CRTC1: variants seen among roughly 807,000 people sequenced by gnomAD.
CRTC1 encodes the protein CREB regulated transcription coactivator 1, also known as CREB-regulated transcription coactivator 1.
Under a neutral mutation model 66.1 loss-of-function variants are expected in CRTC1, and 18 were observed. That is an observed-to-expected ratio of 0.27 (90% CI 0.19 to 0.40). CRTC1 has a LOEUF of 0.40. CRTC1 is among the 10% of genes least tolerant of loss of function. The pLI, the probability that CRTC1 is intolerant of heterozygous loss-of-function variation, is 1.00. For synonymous variants in CRTC1, 416 were observed against 398.8 expected (o/e 1.04, Z -0.51); for missense variants, 669 against 887.9 (o/e 0.75, Z 3.13).
chr19:18,747,137 C>T (rs367903257), intron 4 of CRTC1, 23 bp downstream of exon 4: 4 of 900,626 alleles, frequency 4.4e-6, no homozygotes, highest in East Asian at 3.9e-5. Flanking sequence ...ACACCCCCCC[C>T]CCGCCCCCTT....
chr19:18,764,213 G>A (rs1381671826), intron 8 of CRTC1, among the ~76,000 whole-genome samples: 1 of 152,244 alleles, frequency 6.6e-6, no homozygotes, highest in Non-Finnish European at 1.5e-5. Context: ...TCATCTGCCG[G>A]AACAAGGTTA....
chr19:18,745,686 C>G, intron 2 of CRTC1, 137 bp from the exon 3 acceptor site: 3 of 1,123,932 alleles, frequency 2.7e-6, no homozygotes, highest in Non-Finnish European at 4.0e-6. Context: ...GAAGCCCATC[C>G]CAGGCTGTGG....
intron 9 of CRTC1, among the ~76,000 whole-genome samples, chr19:18,767,469 G>A (rs1257357739): frequency 1.3e-5 from 2 of 152,144 alleles, no homozygotes; most frequent in Non-Finnish European, 2.9e-5. Flanking sequence ...GAAGTGCTGG[G>A]ATTGCAGGTG....
intron 1 of CRTC1, among the ~76,000 whole-genome samples, chr19:18,689,608 T>C (rs954931850): frequency 3.9e-5 from 5 of 127,876 alleles, no homozygotes; most frequent in Non-Finnish European, 7.9e-5. Context: ...CTTACCATTT[T>C]GACGTTTTTT....
chr19:18,758,992 C>A (rs1270792686), intron 6 of CRTC1, among the ~76,000 whole-genome samples: 6 of 152,198 alleles, frequency 3.9e-5, no homozygotes, highest in Non-Finnish European at 8.8e-5. Flanking sequence ...GTGCTGGCTG[C>A]TGACTGCTGT....
At chr19:18,709,980 A>G (rs771053873) in intron 1 of CRTC1, among the ~76,000 whole-genome samples, 5 of 152,060 alleles carry the variant, frequency 3.3e-5, no homozygotes, top group African/African-American at 7.2e-5. Flanking sequence ...GGGGTCCCAC[A>G]AAGCTCAGCT....
intron 1 of CRTC1, among the ~76,000 whole-genome samples, chr19:18,698,898 T>C (rs1600772752): frequency 1.4e-5 from 2 of 146,346 alleles, no homozygotes; most frequent in East Asian, 4.2e-4. Flanking sequence ...GTGTGTGCTC[T>C]GCGGGCACTC....
chr19:18,723,758 G>C (rs888998844), intron 1 of CRTC1, among the ~76,000 whole-genome samples: 9 of 152,238 alleles, frequency 5.9e-5, no homozygotes, highest in Admixed American at 5.9e-4. Context: ...CAGATGGCCT[G>C]TGGGCAACAG....
chr19:18,768,761 G>A lies in CRTC1; in HGVS notation c.1288G>A (p.Gly430Ser). ...CCCCCAGTCCCCCCCAGAGAACCCTGGCCAGCCATCGATGGGGATCGACAT... is the reference window on the plus strand; with the variant it reads ...CCCCCAGTCCCCCCCAGAGAACCCTAGCCAGCCATCGATGGGGATCGACAT... ...SLPQSPPENP[G>S]QPSMGIDIAS... is the part of the protein sequence containing the mutation. Residue 430 changes from glycine (G) to serine (S), a missense_variant, in exon 10 of 14, where the codon GGC becomes AGC. Physicochemically the swap from Gly to Ser is moderately conservative, Grantham distance 56. Transcript: ENST00000321949. This position sits in a 1 kb window ranked among gnomAD's most constrained non-coding sequence, Gnocchi z 5.6. 6.2e-7 allele frequency: 1 copy of A among 1,602,874 alleles called. No individual in the cohort carries two copies. Among genetic ancestry groups the A allele is most frequent in the Non-Finnish European group, 8.5e-7 (1 of 1,175,890 alleles).
At chr19:18,712,055 C>T (rs949193632) in intron 1 of CRTC1, among the ~76,000 whole-genome samples, 1 of 151,756 alleles carries the variant, frequency 6.6e-6, no homozygotes, top group Non-Finnish European at 1.5e-5. Flanking sequence ...ATCCTATCAC[C>T]TCAGCCTCCC....
At chr19:18,762,646 C>A (rs2054640227) in intron 8 of CRTC1, among the ~76,000 whole-genome samples, 1 of 152,210 alleles carries the variant, frequency 6.6e-6, no homozygotes, top group African/African-American at 2.4e-5. Context: ...CGGGCGGGCC[C>A]TGACACCTGG....
intron 1 of CRTC1, among the ~76,000 whole-genome samples, chr19:18,724,841 TGGATATAACCTTTTGG>T (rs1329269786): frequency 6.7e-6 from 1 of 148,352 alleles, no homozygotes; most frequent in African/African-American, 2.5e-5. Context: ...GATGAGGAGG[TGGATATAACCTTTTGG>T]GGACACCGTG....
chr19:18,759,633 C>G, intron 7 of CRTC1, 42 bp downstream of exon 7: 1 of 1,597,722 alleles, frequency 6.3e-7, no homozygotes, highest in South Asian at 1.1e-5. Context: ...GCATCTGCTG[C>G]GCTGCTCCGT....
intron 11 of CRTC1, among the ~76,000 whole-genome samples, chr19:18,772,760 C>T (rs2054898129): frequency 6.6e-6 from 1 of 152,172 alleles, no homozygotes; most frequent in Admixed American, 6.5e-5. Flanking sequence ...CTCGGGGAGG[C>T]ATGGGGGTCA....
chr19:18,758,754 C>T (rs1248419830), intron 6 of CRTC1, among the ~76,000 whole-genome samples: 2 of 152,192 alleles, frequency 1.3e-5, no homozygotes, highest in East Asian at 3.9e-4. Flanking sequence ...CCTGGGTCTC[C>T]CCTGACTCAG....
At chr19:18,718,446 C>T (rs1456014057) in intron 1 of CRTC1, among the ~76,000 whole-genome samples, 1 of 152,138 alleles carries the variant, frequency 6.6e-6, no homozygotes, top group Non-Finnish European at 1.5e-5. Context: ...TGTCCAACCT[C>T]CCACCTCTGC....
chr19:18,722,398 GA>G (rs1211823028), intron 1 of CRTC1, among the ~76,000 whole-genome samples: 1 of 152,134 alleles, frequency 6.6e-6, no homozygotes, highest in East Asian at 1.9e-4. Flanking sequence ...GCCTTATGTG[GA>G]AAAAAGGTCT....
At chr19:18,736,403 A>G (rs58377423) in intron 1 of CRTC1, among the ~76,000 whole-genome samples, 54 of 151,078 alleles carry the variant, frequency 3.6e-4, no homozygotes, top group Non-Finnish European at 6.3e-4. Context: ...TTCGCTCCCC[A>G]CCTTCCTCTT....
At chr19:18,775,956 G>A in intron 13 of CRTC1, 135 bp downstream of exon 13, 1 of 917,508 alleles carries the variant, frequency 1.1e-6, no homozygotes, top group Non-Finnish European at 1.6e-6. Flanking sequence ...GGGGGCCTGA[G>A]GAGGCCACAC....
Sources: gnomAD v4.1 joint callset for allele counts (sites outside exome capture counted in the v4.1 genomes callset) on GRCh38, gnomAD v4.1.1 for gene constraint, Gnocchi (gnomAD v3.1) non-coding constraint, MANE v1.5 for transcripts, NCBI Gene and HGNC (gene_info 2026-07-23, HGNC 2026-07-21) for gene names.